Variants in AFF3 observed in about 807,000 individuals in gnomAD.
The protein encoded by AFF3 is ALF transcription elongation factor 3, also known as AF4/FMR2 family member 3.
AFF3 carries 32 observed loss-of-function variants against 129.7 expected under a neutral mutation model. The ratio of observed to expected loss-of-function variants is 0.25; its 90% CI spans 0.19 to 0.33. The LOEUF (loss-of-function observed/expected upper bound fraction) is 0.33, where lower values mean the gene tolerates loss of function less well. Ranked by LOEUF, AFF3 falls within the 10% of genes least tolerant of loss-of-function variation. The pLI is 1.00. For synonymous variants in AFF3, 644 were observed against 635.4 expected (o/e 1.01, Z -0.20); for missense variants, 1,373 against 1,592.0 (o/e 0.86, Z 2.34).
chr2:99,756,129 G>T (rs1682077296), intron 8 of AFF3, among the ~76,000 whole-genome samples: 1 of 152,194 alleles, frequency 6.6e-6, no homozygotes, highest in African/African-American at 2.4e-5. Flanking sequence ...AAGATGATCT[G>T]CATCTTTCTC....
chr2:100,049,229 T>C (rs573770427), intron 4 of AFF3, among the ~76,000 whole-genome samples: 1 of 152,146 alleles, frequency 6.6e-6, no homozygotes, highest in Non-Finnish European at 1.5e-5. Context: ...ACCAAAGGGA[T>C]AGTGTGACAC....
chr2:100,120,608 A>C (rs564288069), intron 2 of AFF3, among the ~76,000 whole-genome samples: 34 of 152,232 alleles, frequency 2.2e-4, no homozygotes, highest in African/African-American at 8.2e-4. Flanking sequence ...TGAGGCAATT[A>C]AAATGTAGCT....
chr2:99,737,991 C>T (rs1680394655), intron 10 of AFF3, among the ~76,000 whole-genome samples: 2 of 151,808 alleles, frequency 1.3e-5, no homozygotes, highest in Admixed American at 1.3e-4. Context: ...TTCTGTTTAA[C>T]ACTCCTCCAA....
rs192426640 is a variant in AFF3 at position 99,675,001 on chromosome 2, A to G, written c.1092-2412T>C. On this transcript the variant is annotated intron_variant, in intron 11 of 24. Transcript: ENST00000672756. ...TGAATCTCAGAGCCCCTTGCACCAC[A>G]ATCTTGTGTGAGGTGCACCTCTGGG... is the stretch of plus-strand genomic sequence containing the variant. Among the ~76,000 whole-genome samples the G allele has an allele frequency of 9.2e-5, 14 of 152,256 alleles. No individual in the cohort carries two copies. In the East Asian group the frequency reaches 2.7e-3, roughly 29 times the overall value.
At chr2:99,683,363 A>G (rs1674712706) in intron 11 of AFF3, among the ~76,000 whole-genome samples, 1 of 152,238 alleles carries the variant, frequency 6.6e-6, no homozygotes, top group Non-Finnish European at 1.5e-5. Context: ...ATTAATAAAT[A>G]TTCAGTATTC....
chr2:99,822,312 C>T (rs1392269297), intron 8 of AFF3, among the ~76,000 whole-genome samples: 2 of 23,886 alleles, frequency 8.4e-5, no homozygotes, highest in East Asian at 1.6e-3. Flanking sequence ...GATGCTAAGA[C>T]ACTGGGGGAT....
intron 4 of AFF3, among the ~76,000 whole-genome samples, chr2:100,043,588 T>C (rs1260246199): frequency 6.6e-6 from 1 of 151,686 alleles, no homozygotes; most frequent in Non-Finnish European, 1.5e-5. Context: ...AAGGAAAAAA[T>C]AGCTGCATTT....
At position 99,705,782 on chromosome 2, in the gene AFF3, G is replaced by A. The variant is rs574300216; in HGVS notation, c.1091+21295C>T. Among the ~76,000 whole-genome samples the A allele has an allele frequency of 4.0e-5, 6 of 150,356 alleles. No homozygotes were observed. The East Asian group carries it at 7.9e-4, about 20-fold the overall frequency. ...CCAGTTACTCAGGAGGCTGAGGCAGGAGGATCACTTGAACCCAGGAGGCGG... is the reference window on the plus strand; with the variant it reads ...CCAGTTACTCAGGAGGCTGAGGCAGAAGGATCACTTGAACCCAGGAGGCGG... On this transcript the variant is annotated intron_variant, in intron 11 of 24. Transcript: ENST00000672756.
rs940814642 is a variant in AFF3 at position 99,546,429 on chromosome 2, C to G, written c.*5045G>C. Reference sequence around the variant, plus strand: ...ATGAGGACTCAACTGAACTGCCCATCTGCAAACAAACCCTTTCTGCATTTT... The same window carrying G: ...ATGAGGACTCAACTGAACTGCCCATGTGCAAACAAACCCTTTCTGCATTTT... On this transcript the variant is annotated 3_prime_UTR_variant, in exon 25 of 25. Coordinates refer to ENST00000672756, the MANE Select transcript of AFF3 (RefSeq NM_001386135.1). The G allele has an allele frequency of 4.3e-6, 1 of 232,918 alleles. No homozygotes were observed. Among genetic ancestry groups the G allele is most frequent in the African/African-American group, 2.2e-5 (1 of 45,316 alleles). 14.4% of individuals were successfully genotyped at this position (232,918 alleles called of 1,614,324 possible).
chr2:99,745,271 G>T (rs775718915), intron 9 of AFF3, among the ~76,000 whole-genome samples: 1 of 152,116 alleles, frequency 6.6e-6, no homozygotes, highest in Non-Finnish European at 1.5e-5. Flanking sequence ...TTGGATACTA[G>T]ACTGTTACCA....
At chr2:99,601,092 T>C (rs540821526) in intron 14 of AFF3, among the ~76,000 whole-genome samples, 1 of 152,330 alleles carries the variant, frequency 6.6e-6, no homozygotes, top group East Asian at 1.9e-4. Context: ...AGTGGCTCTG[T>C]CCAGCGACTG....
At chr2:99,977,181 T>G (rs1285408977) in intron 7 of AFF3, among the ~76,000 whole-genome samples, 10 of 152,192 alleles carry the variant, frequency 6.6e-5, no homozygotes, top group Admixed American at 6.5e-4. Flanking sequence ...ATCTTACCAC[T>G]GATGGTCCCT....
At chr2:100,059,252 TC>T (rs1375505576) in intron 4 of AFF3, among the ~76,000 whole-genome samples, 1 of 26,924 alleles carries the variant, frequency 3.7e-5, no homozygotes, top group Admixed American at 5.2e-4. Flanking sequence ...AGACTCTGTC[TC>T]CAAAAAAAAA....
chr2:99,590,436 T>C (rs1002559517), intron 15 of AFF3, among the ~76,000 whole-genome samples: 6 of 152,276 alleles, frequency 3.9e-5, no homozygotes, highest in African/African-American at 1.4e-4. Flanking sequence ...AATTTTAAGA[T>C]GGCAGCCACA....
At chr2:99,676,840 C>G (rs980743931) in intron 11 of AFF3, among the ~76,000 whole-genome samples, 5 of 152,154 alleles carry the variant, frequency 3.3e-5, no homozygotes, top group African/African-American at 1.2e-4. Context: ...AGTAAACACG[C>G]CTATCAGCCC....
At chr2:99,701,864 C>T (rs1044362389) in intron 11 of AFF3, among the ~76,000 whole-genome samples, 1 of 152,216 alleles carries the variant, frequency 6.6e-6, no homozygotes, top group African/African-American at 2.4e-5. Flanking sequence ...ATCTGTTCTC[C>T]GTCTCTATAG....
chr2:99,899,307 A>G (rs1460079821), intron 7 of AFF3, among the ~76,000 whole-genome samples: 4 of 152,212 alleles, frequency 2.6e-5, no homozygotes, highest in Non-Finnish European at 2.9e-5. Flanking sequence ...ATAAATAAAA[A>G]TTCACAAGCA....
chr2:99,985,538 CAGCAAAAAGTGAGAGGTA>C (rs1320175540), intron 7 of AFF3, among the ~76,000 whole-genome samples: 1 of 152,108 alleles, frequency 6.6e-6, no homozygotes, highest in Non-Finnish European at 1.5e-5. Context: ...GATAAAATTA[CAGCAAAAAGTGAGAGGTA>C]AGGATAAATT....
In AFF3 at chr2:100,006,771, G is replaced by A. The variant is rs1041007189; in HGVS notation, c.734C>T (p.Pro245Leu). The A allele has an allele frequency of 1.2e-6, 2 of 1,614,208 alleles. No homozygotes were observed. Among genetic ancestry groups the A allele is most frequent in the South Asian group, 2.2e-5 (2 of 91,082 alleles). Residue 245 changes from proline (P) to leucine (L), a missense_variant, in exon 7 of 25, where the codon CCT (proline) becomes CTT (leucine). Transcript: ENST00000672756. Reference sequence around the variant, plus strand: ...CGACTTCAGCTTAGGAGACTCATCAGGGGCCTGATCTTGGCCGTCCATTGG... The same window carrying A: ...CGACTTCAGCTTAGGAGACTCATCAAGGGCCTGATCTTGGCCGTCCATTGG... Reference protein sequence around the residue: ...VRPMDGQDQAPDESPKLKSSS... With the variant: ...VRPMDGQDQALDESPKLKSSS...
Sources: gnomAD v4.1 joint callset for allele counts (sites outside exome capture counted in the v4.1 genomes callset) on GRCh38, gnomAD v4.1.1 for gene constraint, MANE v1.5 for transcripts, NCBI Gene and HGNC (gene_info 2026-07-23, HGNC 2026-07-21) for gene names.